The following RANBP17 variants were observed in gnomAD, a reference collection of about 807,000 sequenced individuals.
The protein encoded by RANBP17 is ran-binding protein 17.
Under a neutral mutation model 141.2 loss-of-function variants are expected in RANBP17, and 158 were observed. The observed-to-expected ratio is 1.12, with a 90% confidence interval of 0.98 to 1.28. RANBP17 has a LOEUF of 1.28. RANBP17 is among the 50% of genes most tolerant of loss of function. The pLI is 0.00. For missense variants in RANBP17, 1,438 were observed against 1,290.7 expected (o/e 1.11, Z -1.75); for synonymous variants, 430 against 450.0 (o/e 0.96, Z 0.56).
chr5:171,009,082 CA>C (rs1561982978), intron 14 of RANBP17, among the ~76,000 whole-genome samples: 2 of 152,164 alleles, frequency 1.3e-5, no homozygotes, highest in African/African-American at 4.8e-5. Context: ...ATGAGGAAGA[CA>C]GAGTCAAGAG....
At chr5:171,102,367 C>G (rs966580251) in intron 14 of RANBP17, among the ~76,000 whole-genome samples, 1 of 151,960 alleles carries the variant, frequency 6.6e-6, no homozygotes, top group South Asian at 2.1e-4. Flanking sequence ...GATATCCTTT[C>G]TTCCGCTTGA....
At chr5:170,903,027 A>G (rs1216063507) in intron 5 of RANBP17, among the ~76,000 whole-genome samples, 2 of 152,188 alleles carry the variant, frequency 1.3e-5, no homozygotes, top group East Asian at 3.9e-4. Context: ...CTTGAGCACC[A>G]TGCTGGGAGA....
intron 22 of RANBP17, among the ~76,000 whole-genome samples, chr5:171,222,140 T>C (rs972608905): frequency 1.3e-5 from 2 of 152,174 alleles, no homozygotes; most frequent in Non-Finnish European, 2.9e-5. Context: ...TCAAAATTGC[T>C]CAAAGTTACA....
intron 14 of RANBP17, among the ~76,000 whole-genome samples, chr5:171,150,351 T>C: frequency 6.6e-6 from 1 of 152,024 alleles, no homozygotes; most frequent in East Asian, 1.9e-4. Context: ...AATAGGTACT[T>C]GGCCATAGTG....
intron 11 of RANBP17, among the ~76,000 whole-genome samples, chr5:170,920,523 T>A (rs1343823911): frequency 6.6e-6 from 1 of 151,736 alleles, no homozygotes; most frequent in Admixed American, 6.6e-5. Flanking sequence ...TTTTTTTTTT[T>A]TATATTGAGA....
At chr5:170,952,582 A>C (rs1215257442) in intron 12 of RANBP17, among the ~76,000 whole-genome samples, 1 of 151,882 alleles carries the variant, frequency 6.6e-6, no homozygotes, top group African/African-American at 2.4e-5. Flanking sequence ...TCTAACTTTT[A>C]TTTGTCCTTT....
chr5:171,214,444 T>G (rs915696072), intron 21 of RANBP17, among the ~76,000 whole-genome samples: 3 of 152,212 alleles, frequency 2.0e-5, no homozygotes, highest in African/African-American at 7.2e-5. Context: ...TCATTGTGGA[T>G]ATGGCTTAGC....
intron 14 of RANBP17, among the ~76,000 whole-genome samples, chr5:171,090,971 G>A (rs1786213843): frequency 6.6e-6 from 1 of 152,264 alleles, no homozygotes; most frequent in Non-Finnish European, 1.5e-5. Flanking sequence ...TGCTAGGGCA[G>A]TGCAGAAGGG....
In RANBP17 at chr5:171,090,037, T is replaced by TGG. The variant is rs1786111221; in HGVS notation, c.1711-80090_1711-80089dup. On this transcript the variant is annotated intron_variant, in intron 14 of 27. Transcript: ENST00000523189. ...GTATAGTAAATGGGTACCAGGAGAG[T>TGG]GGGGCACTGCTGAAAAGAGACCCGA... 2.0e-5 allele frequency among the ~76,000 whole-genome samples: 3 copies of TGG among 152,064 alleles called. No homozygotes were observed. The South Asian group carries it at 6.2e-4, about 32-fold the overall frequency.
intron 14 of RANBP17, among the ~76,000 whole-genome samples, chr5:171,067,271 C>G (rs1013721344): frequency 1.3e-5 from 2 of 152,122 alleles, no homozygotes; most frequent in African/African-American, 4.8e-5. Flanking sequence ...TACATTAACT[C>G]TCCTCATATC....
intron 14 of RANBP17, among the ~76,000 whole-genome samples, chr5:171,073,488 A>G (rs1784743266): frequency 6.6e-6 from 1 of 152,196 alleles, no homozygotes; most frequent in African/African-American, 2.4e-5. Flanking sequence ...TGTCAGAGTA[A>G]GAAGTTACAA....
chr5:171,076,009 T>A (rs1784898174), intron 14 of RANBP17, among the ~76,000 whole-genome samples: 1 of 152,154 alleles, frequency 6.6e-6, no homozygotes. Context: ...GTATGTGGAT[T>A]ATATCTCAAT....
chr5:170,964,059 G>T (rs1477381977), intron 13 of RANBP17, among the ~76,000 whole-genome samples: 1 of 152,032 alleles, frequency 6.6e-6, no homozygotes, highest in Non-Finnish European at 1.5e-5. Flanking sequence ...CAACTTTCCA[G>T]AAATTCTAAT....
At chr5:170,951,186 T>C (rs573472755) in intron 12 of RANBP17, among the ~76,000 whole-genome samples, 2 of 152,086 alleles carry the variant, frequency 1.3e-5, no homozygotes, top group South Asian at 4.2e-4. Flanking sequence ...ATAACTATAG[T>C]TAACAGTGTA....
rs771123816 is a variant in RANBP17, at chr5:171,221,817, C to T, written c.2399C>T (p.Ala800Val). 1.2e-6 allele frequency: 2 copies of T among 1,605,950 alleles called. No homozygotes were observed. The highest frequency in any genetic ancestry group is 2.7e-5 in the African/African-American group (2 of 74,748). ...SPNGILLFRE[A>V]SKMVCTYGNQ... ...AATGGAATTCTTCTCTTCAGAGAAG[C>T]TAGTAAAATGGTTTGCACTTATGGT... Residue 800 changes from alanine to valine, a missense_variant, in exon 22 of 28, where the codon GCT becomes GTT. Transcript: ENST00000523189.
At chr5:171,200,718 A>C (rs1207025100) in intron 19 of RANBP17, among the ~76,000 whole-genome samples, 1 of 151,542 alleles carries the variant, frequency 6.6e-6, no homozygotes, top group Non-Finnish European at 1.5e-5. Context: ...AAAAACTAAC[A>C]GTAAGAAGCC....
At chr5:171,209,639 G>T (rs1291165640) in intron 20 of RANBP17, among the ~76,000 whole-genome samples, 1 of 152,174 alleles carries the variant, frequency 6.6e-6, no homozygotes, top group Admixed American at 6.5e-5. Context: ...CATGCAAAGG[G>T]CTATATGAGC....
intron 2 of RANBP17, 27 bp downstream of exon 2, chr5:170,878,270 C>T: frequency 6.4e-7 from 1 of 1,573,598 alleles, no homozygotes; most frequent in Non-Finnish European, 8.7e-7. Flanking sequence ...AATGATTAAC[C>T]ATGAAAGATC....
intron 14 of RANBP17, among the ~76,000 whole-genome samples, chr5:171,077,219 A>G (rs1161205705): frequency 3.3e-5 from 5 of 152,138 alleles, no homozygotes; most frequent in African/African-American, 1.2e-4. Flanking sequence ...GGGCGCCTGT[A>G]GTCCCAGCTA....
Sources: allele counts gnomAD v4.1 joint callset (sites outside exome capture counted in the v4.1 genomes callset), GRCh38; gene constraint gnomAD v4.1.1; transcripts MANE v1.5; gene names NCBI Gene and HGNC (gene_info 2026-07-23, HGNC 2026-07-21).